ASTN2: variants seen among roughly 807,000 people sequenced by gnomAD.
The protein encoded by ASTN2 is astrotactin 2, also known as astrotactin-2.
Under a neutral mutation model 139.8 loss-of-function variants are expected in ASTN2, and 54 were observed. That is an observed-to-expected ratio of 0.39 (90% CI 0.31 to 0.48). The LOEUF (loss-of-function observed/expected upper bound fraction) is 0.48, where lower values mean the gene tolerates loss of function less well. Among genes scored for constraint, ASTN2 ranks in the 20% least tolerant of loss-of-function variants. ASTN2 has a pLI of 0.95. For synonymous variants in ASTN2, 756 were observed against 719.5 expected, an observed-to-expected ratio of 1.05 and a Z score of -0.81; for missense variants, 1,565 against 1,725.1, an observed-to-expected ratio of 0.91 and a Z score of 1.64.
At chr9:117,194,452 T>C (rs982512220) in intron 3 of ASTN2, among the ~76,000 whole-genome samples, 2 of 152,198 alleles carry the variant, frequency 1.3e-5, no homozygotes, top group African/African-American at 2.4e-5. Flanking sequence ...ATCAAAAGAA[T>C]AGAAGCTATC....
At chr9:116,690,504 G>T (rs575825332) in intron 16 of ASTN2, among the ~76,000 whole-genome samples, 171 of 152,304 alleles carry the variant, frequency 1.1e-3, no homozygotes, top group Non-Finnish European at 1.7e-3. Flanking sequence ...CCTTAAAGTA[G>T]ATCATTGTCT....
intron 11 of ASTN2, among the ~76,000 whole-genome samples, chr9:116,855,775 CTA>C (rs1832723641): frequency 6.6e-6 from 1 of 152,180 alleles, no homozygotes; most frequent in Non-Finnish European, 1.5e-5. Context: ...CTTTCTGACT[CTA>C]TTTCCTCATG....
chr9:116,648,587 T>A (rs1348306446), intron 17 of ASTN2, among the ~76,000 whole-genome samples: 1 of 146,866 alleles, frequency 6.8e-6, no homozygotes, highest in Non-Finnish European at 1.6e-5. Flanking sequence ...GGACCTCTGA[T>A]GCACAGAGTT....
intron 16 of ASTN2, chr9:116,687,489 A>T (rs1463816159): frequency 8.7e-6 from 1 of 115,024 alleles, no homozygotes; most frequent in East Asian, 3.3e-4. Context: ...GCCGCGCCCG[A>T]ATGGCAGGGT....
chr9:116,857,030 A>T (rs1419822280), intron 11 of ASTN2, among the ~76,000 whole-genome samples: 10 of 152,214 alleles, frequency 6.6e-5, no homozygotes, highest in Non-Finnish European at 1.5e-4. Flanking sequence ...TTCTCCACAT[A>T]TCCCAGTTTC....
At chr9:117,316,049 C>G (rs1024943076) in intron 1 of ASTN2, among the ~76,000 whole-genome samples, 8 of 152,206 alleles carry the variant, frequency 5.3e-5, no homozygotes, top group Non-Finnish European at 1.2e-4. Context: ...ATATTAAGCC[C>G]ATCTTGCAGA....
At chr9:117,161,374 T>C (rs1318798119) in intron 3 of ASTN2, among the ~76,000 whole-genome samples, 2 of 152,022 alleles carry the variant, frequency 1.3e-5, no homozygotes, top group Admixed American at 6.6e-5. Flanking sequence ...AGCAGCTTTA[T>C]GAAAGAAAAG....
intron 1 of ASTN2, among the ~76,000 whole-genome samples, chr9:117,401,302 TA>T: frequency 6.6e-6 from 1 of 152,138 alleles, no homozygotes; most frequent in Admixed American, 6.5e-5. Flanking sequence ...TGCCTCCAAA[TA>T]CCTGTCAGGT....
intron 3 of ASTN2, among the ~76,000 whole-genome samples, chr9:117,179,526 A>G (rs1301969908): frequency 1.3e-5 from 2 of 152,148 alleles, no homozygotes; most frequent in Non-Finnish European, 2.9e-5. Flanking sequence ...TAGGGAAGGG[A>G]TTAGCAATAT....
At position 116,698,722 on chromosome 9, in the gene ASTN2, TGA is replaced by T; in HGVS notation, c.2806+27047_2806+27048del. On this transcript the variant is annotated intron_variant, in intron 16 of 22. Coordinates refer to ENST00000313400, the MANE Select transcript of ASTN2 (RefSeq NM_001365068.1). The surrounding 1 kb of genome is among the most constrained non-coding windows in gnomAD (Gnocchi z 4.4). ...TCTGTTACTTTTAGAGAGATGGACA[TGA>T]GCCCGGAGGAAGTGGTTGCCAGCCC... 2 of 1,614,192 alleles carry T rather than the reference TGA, an allele frequency of 1.2e-6. No homozygotes were observed. The highest frequency in any genetic ancestry group is 1.7e-6 in the Non-Finnish European group (2 of 1,180,042).
chr9:117,096,246 G>T (rs1006695336), intron 4 of ASTN2, 95 bp from the exon 5 acceptor site: 26 of 979,544 alleles, frequency 2.7e-5, no homozygotes, highest in Non-Finnish European at 3.6e-5. Context: ...CCCATCCCCA[G>T]ACTTTTCTCT....
At chr9:117,072,673 A>C (rs553943838) in intron 5 of ASTN2, among the ~76,000 whole-genome samples, 1 of 152,200 alleles carries the variant, frequency 6.6e-6, no homozygotes, top group African/African-American at 2.4e-5. Flanking sequence ...CAAGGAGTGG[A>C]ATGGTGGCTC....
chr9:117,250,674 A>T (rs558594529), intron 2 of ASTN2, among the ~76,000 whole-genome samples: 48 of 152,172 alleles, frequency 3.2e-4, no homozygotes, highest in Non-Finnish European at 6.0e-4. Context: ...TTACTTTTGC[A>T]CCAACCTAAT....
chr9:116,834,854 C>T (rs1437651715), intron 11 of ASTN2, among the ~76,000 whole-genome samples: 1 of 152,108 alleles, frequency 6.6e-6, no homozygotes, highest in East Asian at 1.9e-4. Flanking sequence ...TTGAGACTGG[C>T]CTGGGCAACA....
At chr9:116,799,809 G>A (rs1475219703) in intron 13 of ASTN2, among the ~76,000 whole-genome samples, 2 of 151,886 alleles carry the variant, frequency 1.3e-5, no homozygotes, top group African/African-American at 4.8e-5. Flanking sequence ...CACTGATCAA[G>A]AGCAAAGGAA....
chr9:117,060,070 C>T (rs4112201), intron 5 of ASTN2, among the ~76,000 whole-genome samples: 38,885 of 151,624 alleles, frequency 0.26, 5,157 homozygotes, highest in South Asian at 0.4. Context: ...CAGCACTTTG[C>T]GAGGCCAAGG....
At chr9:117,363,537 T>C (rs1039795312) in intron 1 of ASTN2, among the ~76,000 whole-genome samples, 2 of 152,182 alleles carry the variant, frequency 1.3e-5, no homozygotes, top group African/African-American at 2.4e-5. Flanking sequence ...GCACCCGTGA[T>C]TGCAGTACAG....
intron 7 of ASTN2, among the ~76,000 whole-genome samples, chr9:116,980,720 C>T (rs1836488350): frequency 6.6e-6 from 1 of 152,230 alleles, no homozygotes; most frequent in African/African-American, 2.4e-5. Flanking sequence ...AGATCTCCAT[C>T]AATGCCATAG....
chr9:116,603,131 G>A (rs1167709466), intron 19 of ASTN2, among the ~76,000 whole-genome samples: 1 of 152,114 alleles, frequency 6.6e-6, no homozygotes, highest in Non-Finnish European at 1.5e-5. Context: ...GACCAAGCAG[G>A]GAAATTAAAA....
Sources: allele counts gnomAD v4.1 joint callset (sites outside exome capture counted in the v4.1 genomes callset), GRCh38; gene constraint gnomAD v4.1.1; non-coding constraint Gnocchi (gnomAD v3.1); transcripts MANE v1.5; gene names NCBI Gene and HGNC (gene_info 2026-07-23, HGNC 2026-07-21).